Variants in JPH2 observed in about 807,000 individuals in gnomAD.
JPH2 encodes the protein junctophilin-2.
A neutral mutation model predicts 55.9 loss-of-function variants in JPH2; 38 were observed. The observed-to-expected ratio is 0.68, with a 90% CI of 0.52 to 0.89. The LOEUF (loss-of-function observed/expected upper bound fraction) is 0.89, where lower values mean the gene tolerates loss of function less well. JPH2 is among the 40% of genes least tolerant of loss of function. JPH2 has a pLI of 0.00. For missense variants in JPH2, 964 were observed against 1,037.6 expected (o/e 0.93, Z 0.97); for synonymous variants, 480 against 472.4 (o/e 1.02, Z -0.21).
At position 44,160,035 on chromosome 20, in the gene JPH2, C is replaced by T. The variant is rs2072597318; in HGVS notation, c.752G>A (p.Ser251Asn). The T allele has an allele frequency of 6.4e-7, 1 of 1,559,344 alleles. No individual in the cohort carries two copies. The part of the protein sequence containing the change: ...SQRSRVSFLK[S>N]DLSSGASDAA... ...GTCGCTGGCGCCCGAGCTGAGGTCGCTCTTAAGGAAGCTGACACGGCTGCG... is the reference window on the plus strand; with the variant it reads ...GTCGCTGGCGCCCGAGCTGAGGTCGTTCTTAAGGAAGCTGACACGGCTGCG... Residue 251 changes from serine to asparagine, a missense_variant, in exon 2 of 6, where the codon AGC becomes AAC. Physicochemically the swap from Ser to Asn is conservative, Grantham distance 46. Coordinates refer to ENST00000372980, the MANE Select transcript of JPH2 (RefSeq NM_020433.5). This position sits in a 1 kb window ranked among gnomAD's most constrained non-coding sequence, Gnocchi z 4.9.
intron 2 of JPH2, among the ~76,000 whole-genome samples, chr20:44,120,713 T>C (rs1569183810): frequency 6.6e-6 from 1 of 152,082 alleles, no homozygotes; most frequent in Non-Finnish European, 1.5e-5. Flanking sequence ...GAAAATACAC[T>C]AACACTAACG....
chr20:44,108,923 C>G lies in JPH2; in HGVS notation c.*4595G>C, dbSNP rs900469684. On this transcript the variant is annotated 3_prime_UTR_variant, in exon 6 of 6. Transcript: ENST00000372980. ...GATGAGCTGATATCTTAGAGTGCCT[C>G]CATCTCTGACAACCTAAGGAGTTAT... Among the ~76,000 whole-genome samples, 3 of 152,210 alleles carry G rather than the reference C, an allele frequency of 2.0e-5. No individual in the cohort carries two copies. Among genetic ancestry groups the G allele is most frequent in the African/African-American group, 7.2e-5 (3 of 41,450 alleles).
rs917413698 is a variant in JPH2, at chr20:44,114,813, C to T, written c.2074G>A (p.Val692Ile). 1.1e-5 allele frequency: 18 copies of T among 1,606,216 alleles called. No individual in the cohort carries two copies. Among genetic ancestry groups the T allele is most frequent in the African/African-American group, 6.7e-5 (5 of 74,800 alleles). Residue 692 changes from valine (V) to isoleucine (I), a missense_variant, in exon 5 of 6, where the codon GTT (valine) becomes ATT (isoleucine). Transcript: ENST00000372980. ...LLNIGLAILF[V>I]HLLT ...AGCGACGGTCAGGTCAGGAGGTGAA[C>T]AAAGAGGATGGCCAGGCCGATGTTC...
chr20:44,151,273 G>T (rs553472899), intron 2 of JPH2, among the ~76,000 whole-genome samples: 17 of 152,218 alleles, frequency 1.1e-4, no homozygotes, highest in Admixed American at 9.2e-4. Flanking sequence ...TCCCAGCACT[G>T]TGGGAGGTTG....
rs2072192576 is a variant in JPH2, at chr20:44,116,343, C to A, written c.1332G>T (p.Glu444Asp). ...QKRRLLQEIL[E>D]NSESLLEPPD... ...GGGGCTCCAGCAGGCTCTCCGAGTT[C>A]TCCAGGATCTCCTGCAGCAGCCGGC... is the stretch of plus-strand genomic sequence containing the variant. Residue 444 changes from glutamate to aspartate, a missense_variant, in exon 4 of 6, where the codon GAG becomes GAT. By Grantham distance (45) the Glu-to-Asp change is conservative. Transcript: ENST00000372980. The A allele has an allele frequency of 6.5e-7, 1 of 1,547,156 alleles. No individual in the cohort carries two copies.
At chr20:44,140,576 G>A (rs904631223) in intron 2 of JPH2, among the ~76,000 whole-genome samples, 7 of 152,050 alleles carry the variant, frequency 4.6e-5, no homozygotes, top group African/African-American at 1.7e-4. Flanking sequence ...ACAAGGATAC[G>A]GCTTGGCCAA....
chr20:44,134,663 T>TAAATATTTATAATATATATAA (rs374777754), intron 2 of JPH2, among the ~76,000 whole-genome samples: 4 of 27,696 alleles, frequency 1.4e-4, no homozygotes, highest in East Asian at 1.4e-3. Flanking sequence ...TATAAATATA[T>TAAATATTTATAATATATATAA]ATAAATATAT....
In JPH2 at chr20:44,149,975, A is replaced by G. The variant is rs904093403; in HGVS notation, c.1169+9643T>C. On this transcript the variant is annotated intron_variant, in intron 2 of 5. Transcript: ENST00000372980. ...CTGGGCGACAGAGGAAAAAAAAAAA[A>G]AAAAAAAAAAAAAGAATTGGAAGAG... is the stretch of plus-strand genomic sequence containing the variant. 9.2e-5 allele frequency among the ~76,000 whole-genome samples: 14 copies of G among 151,758 alleles called. No individual in the cohort carries two copies. In the South Asian group the frequency reaches 1.5e-3, roughly 16 times the overall value.
At chr20:44,136,449 TCATCAA>T (rs1318242579) in intron 2 of JPH2, among the ~76,000 whole-genome samples, 2 of 151,738 alleles carry the variant, frequency 1.3e-5, no homozygotes, top group African/African-American at 4.8e-5. Flanking sequence ...GCCATCATCA[TCATCAA>T]CATCAACATC....
intron 2 of JPH2, among the ~76,000 whole-genome samples, chr20:44,148,311 T>A (rs2072506697): frequency 6.6e-6 from 1 of 152,232 alleles, no homozygotes; most frequent in South Asian, 2.1e-4. Flanking sequence ...TGGCCATTAT[T>A]ATCCCAGATC....
intron 2 of JPH2, among the ~76,000 whole-genome samples, chr20:44,152,804 A>G (rs2425626): frequency 0.44 from 66,977 of 152,064 alleles, 16,803 homozygotes; most frequent in Non-Finnish European, 0.56. Flanking sequence ...GTGGGTGCCT[A>G]CGGCTCTTTC....
chr20:44,186,656 C>A lies in JPH2; in HGVS notation c.50G>T (p.Gly17Val). ...DFDDGGAYCG[G>V]WEGGKAHGHG... ...CCCATGGGCCTTTCCCCCCTCCCAG[C>A]CCCCGCAGTACGCCCCTCCATCATC... Residue 17 changes from glycine to valine, a missense_variant, in exon 1 of 6, where the codon GGC (glycine) becomes GTC (valine). Coordinates refer to ENST00000372980, the MANE Select transcript of JPH2 (RefSeq NM_020433.5). The A allele has an allele frequency of 1.2e-6, 2 of 1,606,044 alleles. No individual in the cohort carries two copies. Among genetic ancestry groups the A allele is most frequent in the South Asian group, 1.1e-5 (1 of 91,072 alleles).
chr20:44,160,374 C>G lies in JPH2; in HGVS notation c.413G>C (p.Arg138Pro). ...GCTCTGGCGTACTCCGTAGCCATGG[C>G]GCATGCCGTTGGTGAACTGGCCTTG... is the stretch of plus-strand genomic sequence containing the variant. ...TYQGQFTNGM[R>P]HGYGVRQSVP... The change falls in exon 2 of 6, where the codon CGC becomes CCC. Residue 138 changes from arginine (R) to proline (P), a missense_variant. By Grantham distance (103) the Arg-to-Pro change is moderately radical (BLOSUM62 -2). Coordinates refer to ENST00000372980, the MANE Select transcript of JPH2 (RefSeq NM_020433.5). The surrounding 1 kb of genome is among the most constrained non-coding windows in gnomAD (Gnocchi z 4.9). The G allele has an allele frequency of 6.2e-7, 1 of 1,607,078 alleles. No homozygotes were observed. The highest frequency in any genetic ancestry group is 8.5e-7 in the Non-Finnish European group (1 of 1,177,542).
chr20:44,114,756 C>G (rs1489520037), intron 5 of JPH2, 26 bp downstream of exon 5: 1 of 1,547,096 alleles, frequency 6.5e-7, no homozygotes, highest in South Asian at 1.2e-5. Flanking sequence ...TGCCCCCCAA[C>G]CCCTCCTCCA....
chr20:44,137,236 CCCCCGCCCCG>C (rs1276415104), intron 2 of JPH2, among the ~76,000 whole-genome samples: 1 of 152,222 alleles, frequency 6.6e-6, no homozygotes, highest in South Asian at 2.1e-4. Flanking sequence ...GTGTGCTCTG[CCCCCGCCCCG>C]CCCCACCCCA....
intron 1 of JPH2, among the ~76,000 whole-genome samples, chr20:44,186,077 G>A (rs2072837192): frequency 6.6e-6 from 1 of 152,110 alleles, no homozygotes; most frequent in African/African-American, 2.4e-5. Context: ...TGTTGAGTGT[G>A]CACTTACATG....
intron 2 of JPH2, among the ~76,000 whole-genome samples, chr20:44,142,719 C>T (rs1288327577): frequency 5.3e-5 from 8 of 152,248 alleles, no homozygotes; most frequent in Non-Finnish European, 1.2e-4. Context: ...GGGCAAACAT[C>T]ATGAAGGCTG....
intron 2 of JPH2, among the ~76,000 whole-genome samples, chr20:44,145,024 C>T (rs1004103260): frequency 2.6e-5 from 4 of 152,178 alleles, no homozygotes; most frequent in Non-Finnish European, 4.4e-5. Flanking sequence ...CCCAAAGCCA[C>T]GAGGCCAGTG....
intron 1 of JPH2, among the ~76,000 whole-genome samples, chr20:44,183,851 G>A (rs369572545): frequency 2.0e-5 from 3 of 152,096 alleles, no homozygotes; most frequent in Non-Finnish European, 4.4e-5. Context: ...GCAAACTTTC[G>A]CTGGAAAGAG....
Sources: gnomAD v4.1 joint callset for allele counts (sites outside exome capture counted in the v4.1 genomes callset) on GRCh38, gnomAD v4.1.1 for gene constraint, Gnocchi (gnomAD v3.1) non-coding constraint, MANE v1.5 for transcripts, NCBI Gene and HGNC (gene_info 2026-07-23, HGNC 2026-07-21) for gene names.